DOK6: variants seen among roughly 807,000 people sequenced by gnomAD.
The protein encoded by DOK6 is docking protein 6.
Under a neutral mutation model 44.0 loss-of-function variants are expected in DOK6, and 22 were observed. The observed-to-expected ratio is 0.50, with a 90% CI of 0.36 to 0.71. The LOEUF (loss-of-function observed/expected upper bound fraction) is 0.71, where lower values mean the gene tolerates loss of function less well. Among genes scored for constraint, DOK6 ranks in the 30% least tolerant of loss-of-function variants. The pLI is 0.00. For synonymous variants in DOK6, 166 were observed against 145.5 expected, an observed-to-expected ratio of 1.14 and a Z score of -1.01; for missense variants, 340 against 416.4, an observed-to-expected ratio of 0.82 and a Z score of 1.60.
intron 5 of DOK6, among the ~76,000 whole-genome samples, chr18:69,706,458 G>A (rs1986635261): frequency 1.3e-5 from 2 of 151,920 alleles, no homozygotes; most frequent in Admixed American, 6.6e-5. Flanking sequence ...TTTTCAACAG[G>A]GAGAATAGAG....
chr18:69,753,454 C>A (rs897112505), intron 6 of DOK6, among the ~76,000 whole-genome samples: 2 of 152,166 alleles, frequency 1.3e-5, no homozygotes, highest in Non-Finnish European at 2.9e-5. Context: ...TGAGATGTGT[C>A]GGTTGTCCCT....
intron 7 of DOK6, among the ~76,000 whole-genome samples, chr18:69,791,578 T>G (rs1599327864): frequency 1.3e-5 from 2 of 152,306 alleles, no homozygotes; most frequent in East Asian, 3.9e-4. Flanking sequence ...ATCCGGATCT[T>G]TTGCCCATTT....
At chr18:69,713,885 C>CT (rs1986824814) in intron 5 of DOK6, among the ~76,000 whole-genome samples, 1 of 152,270 alleles carries the variant, frequency 6.6e-6, no homozygotes, top group South Asian at 2.1e-4. Context: ...TAGGATTAAG[C>CT]TCCCAGTCTT....
In DOK6 at chr18:69,617,717, AAG is replaced by A. The variant is rs1445028608; in HGVS notation, c.289+18221_289+18222del. ...AAAAGACGGAAAGAGAAAAGAAAGAAAGAAAGAAAAAAGGGGGAAGGAGGGAA... is the reference window on the plus strand; with the variant it reads ...AAAAGACGGAAAGAGAAAAGAAAGAAAAAGAAAAAAGGGGGAAGGAGGGAA... On this transcript the variant is annotated intron_variant, in intron 3 of 7. Coordinates refer to ENST00000382713, the MANE Select transcript of DOK6 (RefSeq NM_152721.6). Among the ~76,000 whole-genome samples, 31 of 97,470 alleles carry A rather than the reference AAG, an allele frequency of 3.2e-4. 1 individual carries two copies. Among genetic ancestry groups the A allele is most frequent in the Middle Eastern group, 4.2e-3 (1 of 240 alleles). The allele number at this position is 97,470 out of a possible 152,430, so 63.9% of individuals were successfully genotyped here. A position where few individuals can be genotyped will look rare whatever the true frequency, so the allele number is the denominator to read the frequency against.
At chr18:69,501,568 G>A (rs756358090) in intron 1 of DOK6, among the ~76,000 whole-genome samples, 1 of 152,090 alleles carries the variant, frequency 6.6e-6, no homozygotes, top group Non-Finnish European at 1.5e-5. Context: ...GTACTTGTGG[G>A]TCAGGGGAGT....
At chr18:69,708,783 CAAAAAAAA>C (rs376287840) in intron 5 of DOK6, among the ~76,000 whole-genome samples, 3 of 79,308 alleles carry the variant, frequency 3.8e-5, no homozygotes, top group South Asian at 4.5e-4. Flanking sequence ...AAATCCGTCT[CAAAAAAAA>C]AAAAAAAAAA....
chr18:69,509,472 C>T (rs1027358414), intron 1 of DOK6, among the ~76,000 whole-genome samples: 1 of 151,826 alleles, frequency 6.6e-6, no homozygotes, highest in Non-Finnish European at 1.5e-5. Context: ...CCCGTCTCTA[C>T]TAAAAAATAG....
At chr18:69,626,423 C>G (rs1374214832) in intron 3 of DOK6, among the ~76,000 whole-genome samples, 1 of 152,150 alleles carries the variant, frequency 6.6e-6, no homozygotes, top group Non-Finnish European at 1.5e-5. Flanking sequence ...CTTTATTCAT[C>G]AAGTCAGAAA....
chr18:69,826,539 A>G (rs944083374), intron 7 of DOK6, among the ~76,000 whole-genome samples: 1 of 152,208 alleles, frequency 6.6e-6, no homozygotes, highest in Non-Finnish European at 1.5e-5. Context: ...AAACCCACCT[A>G]GAAAAGTGTT....
At chr18:69,447,622 C>T (rs565420555) in intron 1 of DOK6, among the ~76,000 whole-genome samples, 1 of 151,892 alleles carries the variant, frequency 6.6e-6, no homozygotes, top group Non-Finnish European at 1.5e-5. Context: ...AAGTTTCTTT[C>T]TTCTATATTC....
At position 69,659,858 on chromosome 18, in the gene DOK6, A is replaced by ATAACATAATGTATGTTT. The variant is rs1985469805; in HGVS notation, c.290-17874_290-17873insACATAATGTATGTTTTA. ...TATAACATATATGTATGTTATATAT[A>ATAACATAATGTATGTTT]TATATATAAAACATATATGTATGTT... On this transcript the variant is annotated intron_variant, in intron 3 of 7. Coordinates refer to ENST00000382713, the MANE Select transcript of DOK6 (RefSeq NM_152721.6). 1.4e-4 allele frequency: 12 copies of ATAACATAATGTATGTTT among 85,726 alleles called. 1 individual carries two copies. The highest frequency in any genetic ancestry group is 1.2e-3 in the Admixed American group (7 of 6,072). The allele number at this position is 85,726 out of a possible 1,614,324, so 5.3% of individuals were successfully genotyped here. A position where few individuals can be genotyped will look rare whatever the true frequency, so the allele number is the denominator to read the frequency against.
intron 5 of DOK6, among the ~76,000 whole-genome samples, chr18:69,717,139 G>T (rs1204875556): frequency 6.6e-6 from 1 of 152,130 alleles, no homozygotes; most frequent in African/African-American, 2.4e-5. Flanking sequence ...GAATAATTCT[G>T]TCACACCCTT....
chr18:69,418,672 G>A (rs1978403976), intron 1 of DOK6, among the ~76,000 whole-genome samples: 1 of 151,686 alleles, frequency 6.6e-6, no homozygotes, highest in African/African-American at 2.4e-5. Context: ...GGGTCTTGCT[G>A]TGTTGCCAAT....
intron 7 of DOK6, among the ~76,000 whole-genome samples, chr18:69,809,639 T>G (rs1981161903): frequency 6.6e-6 from 1 of 150,388 alleles, no homozygotes; most frequent in Non-Finnish European, 1.5e-5. Flanking sequence ...AAATAATGAA[T>G]TTGGTAAAGT....
intron 6 of DOK6, among the ~76,000 whole-genome samples, chr18:69,745,677 T>C (rs1254869734): frequency 6.6e-6 from 1 of 152,212 alleles, no homozygotes; most frequent in Non-Finnish European, 1.5e-5. Context: ...CTATGTGACC[T>C]TGGGCAAGTT....
intron 1 of DOK6, among the ~76,000 whole-genome samples, chr18:69,458,947 T>A (rs1429785098): frequency 6.7e-6 from 1 of 148,742 alleles, no homozygotes; most frequent in Non-Finnish European, 1.5e-5. Context: ...CAAAAAAAAA[T>A]GAGCTGAGTG....
At chr18:69,689,792 C>T (rs1986226200) in intron 4 of DOK6, among the ~76,000 whole-genome samples, 1 of 152,064 alleles carries the variant, frequency 6.6e-6, no homozygotes, top group African/African-American at 2.4e-5. Context: ...TTTATTGCAT[C>T]TTAATTTACA....
rs1568145004 is a variant in DOK6, at chr18:69,847,715, AGATTCACAT to A, written c.*6334_*6342del. On this transcript the variant is annotated 3_prime_UTR_variant, in exon 8 of 8. Coordinates refer to ENST00000382713, the MANE Select transcript of DOK6 (RefSeq NM_152721.6). ...TATGAAATAATTTGAAATCAAATTC[AGATTCACAT>A]GTATAGTGCATAGTTCAAGAAATAA... 2 of 151,996 alleles carry A rather than the reference AGATTCACAT, an allele frequency of 1.3e-5. No individual in the cohort carries two copies. The highest frequency in any genetic ancestry group is 2.9e-5 in the Non-Finnish European group (2 of 68,006). 9.4% of individuals were successfully genotyped at this position (151,996 alleles called of 1,614,324 possible).
intron 3 of DOK6, chr18:69,660,136 A>G (rs969775288): frequency 1.3e-5 from 2 of 152,008 alleles, no homozygotes; most frequent in African/African-American, 2.4e-5. Flanking sequence ...GCATGACATA[A>G]GCAAACAGGG....
Sources: allele counts gnomAD v4.1 joint callset (sites outside exome capture counted in the v4.1 genomes callset), GRCh38; gene constraint gnomAD v4.1.1; transcripts MANE v1.5; gene names NCBI Gene and HGNC (gene_info 2026-07-23, HGNC 2026-07-21).